The following ANKRD17 variants were observed in gnomAD, a reference collection of about 807,000 sequenced individuals.
ANKRD17 encodes ankyrin repeat domain 17, also known as ankyrin repeat domain-containing protein 17.
In ANKRD17, 19 loss-of-function variants were observed where a neutral mutation model predicts 229.7. That is an observed-to-expected ratio of 0.08 (90% confidence interval 0.06 to 0.12). The LOEUF (loss-of-function observed/expected upper bound fraction) is 0.12, where lower values mean the gene tolerates loss of function less well. Among genes scored for constraint, ANKRD17 ranks in the 10% least tolerant of loss-of-function variants. ANKRD17 has a pLI of 1.00. For missense variants in ANKRD17, 2,176 were observed against 3,176.8 expected, an observed-to-expected ratio of 0.68 and a Z score of 7.57; for synonymous variants, 1,112 against 1,146.1, an observed-to-expected ratio of 0.97 and a Z score of 0.60.
intron 1 of ANKRD17, among the ~76,000 whole-genome samples, chr4:73,227,210 G>T (rs1051348588): frequency 7.9e-5 from 12 of 151,958 alleles, no homozygotes; most frequent in African/African-American, 2.9e-4. Context: ...TTGGAGTGCA[G>T]TGGCGCAGTT....
Position 73,091,466 on chromosome 4 carries a change from C to A in ANKRD17, c.6162G>T (p.Gly2054=). The A allele has an allele frequency of 6.2e-7, 1 of 1,614,004 alleles. No individual in the cohort carries two copies. Among genetic ancestry groups the A allele is most frequent in the African/African-American group, 1.3e-5 (1 of 74,974 alleles). ...SSPSPPAQPG[G]VSRNSPLDCG... ...AATCCAAAGGGCTGTTTCTAGAAAC[C>A]CCTCCTGGCTGGGCTGGTGGTGATG... The change falls in exon 29 of 34, where the codon GGG becomes GGT. Residue 2054 remains glycine (G), a synonymous_variant. Coordinates refer to ENST00000358602, the MANE Select transcript of ANKRD17 (RefSeq NM_032217.5).
chr4:73,160,393 G>A (rs918736155), intron 3 of ANKRD17, among the ~76,000 whole-genome samples: 6 of 151,934 alleles, frequency 3.9e-5, no homozygotes, highest in Non-Finnish European at 5.9e-5. Context: ...TAATTTTTGT[G>A]TTCTTAGTAG....
intron 1 of ANKRD17, among the ~76,000 whole-genome samples, chr4:73,201,373 C>T (rs1354333520): frequency 6.6e-6 from 1 of 151,566 alleles, no homozygotes; most frequent in Non-Finnish European, 1.5e-5. Flanking sequence ...AACACAAATG[C>T]ACAGTAAGTT....
At chr4:73,127,207 G>A (rs967828274) in intron 16 of ANKRD17, among the ~76,000 whole-genome samples, 3 of 152,124 alleles carry the variant, frequency 2.0e-5, no homozygotes, top group African/African-American at 7.2e-5. Context: ...GACTTCTGGT[G>A]CTAAAACAGG....
rs1011512014 is a variant in ANKRD17, at chr4:73,149,139, G to A, written c.1330-89C>T. The A allele has an allele frequency of 6.7e-6, 7 of 1,051,080 alleles. No homozygotes were observed. The African/African-American group carries it at 1.1e-4, about 17-fold the overall frequency. 65.1% of individuals were successfully genotyped at this position (1,051,080 alleles called of 1,614,324 possible). ...GACTTCTCAATTACTATACAATGAA[G>A]TTTATCTATCTCCACTCAAAAAGGA... On this transcript the variant is annotated intron_variant, in intron 7 of 33. Transcript: ENST00000358602.
At chr4:73,209,615 C>A (rs1157166625) in intron 1 of ANKRD17, among the ~76,000 whole-genome samples, 1 of 151,670 alleles carries the variant, frequency 6.6e-6, no homozygotes, top group Non-Finnish European at 1.5e-5. Context: ...ATTTTTTTTA[C>A]GAGGCTTGCA....
chr4:73,201,858 G>A (rs1738717262), intron 1 of ANKRD17, among the ~76,000 whole-genome samples: 2 of 152,130 alleles, frequency 1.3e-5, no homozygotes, highest in African/African-American at 4.8e-5. Context: ...AAGACATACT[G>A]TGAAACATAA....
intron 1 of ANKRD17, 36 bp downstream of exon 1, chr4:73,258,240 C>CGGACT: frequency 6.2e-7 from 1 of 1,612,948 alleles, no homozygotes. Context: ...CCTTACAGTC[C>CGGACT]CTTCCTCCCT....
chr4:73,161,972 G>A (rs1380097406), intron 2 of ANKRD17, among the ~76,000 whole-genome samples: 2 of 151,790 alleles, frequency 1.3e-5, no homozygotes, highest in East Asian at 3.9e-4. Flanking sequence ...GAACTCTTGG[G>A]CTCAAGTGAT....
At chr4:73,122,312 T>C (rs1560550540) in intron 18 of ANKRD17, among the ~76,000 whole-genome samples, 1 of 152,168 alleles carries the variant, frequency 6.6e-6, no homozygotes, top group South Asian at 2.1e-4. Flanking sequence ...TGCCAGGCTA[T>C]TCTTAAAGTG....
intron 25 of ANKRD17, among the ~76,000 whole-genome samples, chr4:73,099,485 A>G (rs1236511720): frequency 6.6e-6 from 1 of 152,146 alleles, no homozygotes; most frequent in East Asian, 1.9e-4. Context: ...TAGTAGTAGC[A>G]ACACTGCTCT....
At chr4:73,209,089 C>T (rs1739907629) in intron 1 of ANKRD17, among the ~76,000 whole-genome samples, 2 of 151,966 alleles carry the variant, frequency 1.3e-5, no homozygotes, top group South Asian at 4.2e-4. Context: ...GCCTATAATC[C>T]CAGCTACTCA....
Position 73,246,417 on chromosome 4 carries a change from T to C in ANKRD17, c.393+11859A>G, listed in dbSNP as rs535255260. Among the ~76,000 whole-genome samples, 86 of 152,342 alleles carry C rather than the reference T, an allele frequency of 5.6e-4. No homozygotes were observed. The South Asian group carries it at 0.017, about 30-fold the overall frequency. On this transcript the variant is annotated intron_variant, in intron 1 of 33. Coordinates refer to ENST00000358602, the MANE Select transcript of ANKRD17 (RefSeq NM_032217.5). ...GAATTAGGAGGAAAAGCATTTTGTA[T>C]ATATCTTTCACTTGGAGCTGTATGT...
chr4:73,092,370 G>T, intron 28 of ANKRD17, 70 bp from the exon 29 acceptor site: 1 of 1,231,282 alleles, frequency 8.1e-7, no homozygotes, highest in Non-Finnish European at 1.1e-6. Flanking sequence ...TTTTTAATAT[G>T]TATTTATGTA....
At chr4:73,130,726 T>A (rs1328311792) in intron 16 of ANKRD17, among the ~76,000 whole-genome samples, 2 of 151,794 alleles carry the variant, frequency 1.3e-5, no homozygotes, top group Non-Finnish European at 1.5e-5. Flanking sequence ...GGAGGACATG[T>A]GACAAAAAAG....
At position 73,077,091 on chromosome 4, in the gene ANKRD17, GA is replaced by G; in HGVS notation, c.7600del (p.Ser2534LeufsTer7). On this transcript the variant is annotated frameshift_variant, in exon 33 of 34. Transcript: ENST00000358602. LOFTEE classifies it high-confidence loss of function. ...AGGAATCATTGCATTCCCATACACA[GA>G]AAAAGGCATACCCTTAAAAAAGGAA... ...DFPKVGGMPF[S>X]VYGNAMIPPV... is the part of the protein sequence containing the mutation. 1.9e-6 allele frequency: 3 copies of G among 1,581,332 alleles called. No individual in the cohort carries two copies. The highest frequency in any genetic ancestry group is 1.9e-5 in the Admixed American group (1 of 52,316).
chr4:73,241,445 C>T (rs371818395), intron 1 of ANKRD17, among the ~76,000 whole-genome samples: 1 of 151,990 alleles, frequency 6.6e-6, no homozygotes, highest in African/African-American at 2.4e-5. Context: ...CAGTCACATG[C>T]TACAACATAA....
chr4:73,186,224 C>T (rs1736274215), intron 1 of ANKRD17, among the ~76,000 whole-genome samples: 1 of 151,646 alleles, frequency 6.6e-6, no homozygotes, highest in South Asian at 2.1e-4. Context: ...TAAATTATTC[C>T]AAAATTAATA....
In ANKRD17 at chr4:73,085,332, C is replaced by T; in HGVS notation, c.7076G>A (p.Gly2359Glu). The T allele has an allele frequency of 6.2e-7, 1 of 1,614,102 alleles. No homozygotes were observed. Among genetic ancestry groups the T allele is most frequent in the Non-Finnish European group, 8.5e-7 (1 of 1,180,010 alleles). Residue 2359 changes from glycine to glutamate, a missense_variant, in exon 30 of 34, where the codon GGA becomes GAA. Gly to Glu is a moderately conservative substitution (Grantham distance 98, BLOSUM62 -2). Coordinates refer to ENST00000358602, the MANE Select transcript of ANKRD17 (RefSeq NM_032217.5). ...GQMYGPGAPL[G>E]GAPAAANFNR... Reference sequence around the variant, plus strand: ...AAAGTTAGCAGCTGCGGGTGCTCCTCCAAGGGGTGCCCCAGGTCCGTACAT... The same window carrying T: ...AAAGTTAGCAGCTGCGGGTGCTCCTTCAAGGGGTGCCCCAGGTCCGTACAT...
Sources: allele counts gnomAD v4.1 joint callset (sites outside exome capture counted in the v4.1 genomes callset), GRCh38; gene constraint gnomAD v4.1.1; transcripts MANE v1.5; gene names NCBI Gene and HGNC (gene_info 2026-07-23, HGNC 2026-07-21).